The following CACNA1E variants were observed in gnomAD, a reference collection of about 807,000 sequenced individuals.
CACNA1E encodes the protein calcium voltage-gated channel subunit alpha1 E.
A neutral mutation model predicts 259.2 loss-of-function variants in CACNA1E; 40 were observed. The observed-to-expected ratio is 0.15, with a 90% CI of 0.12 to 0.20. The LOEUF (loss-of-function observed/expected upper bound fraction) is 0.20, where lower values mean the gene tolerates loss of function less well. Ranked by LOEUF, CACNA1E falls within the 10% of genes least tolerant of loss-of-function variation. The pLI, the probability that CACNA1E is intolerant of heterozygous loss-of-function variation, is 1.00. For missense variants in CACNA1E, 1,874 were observed against 3,040.1 expected (o/e 0.62, Z 9.02); for synonymous variants, 1,104 against 1,138.5 (o/e 0.97, Z 0.61).
In CACNA1E at chr1:181,798,390, C is replaced by G; in HGVS notation, c.6498C>G (p.Pro2166=). Residue 2166 remains proline (P), a synonymous_variant, in exon 48 of 48, where the codon CCC becomes CCG. Coordinates refer to ENST00000367573, the MANE Select transcript of CACNA1E (RefSeq NM_001205293.3). The surrounding 1 kb of genome is among the most constrained non-coding windows in gnomAD (Gnocchi z 4.2). ...RRQLPPVPPK[P]RPLLSYSSLI... ...AGCTCCCACCCGTCCCGCCAAAGCC[C>G]CGGCCCCTCCTTTCCTACAGCTCCC... The G allele has an allele frequency of 6.2e-7, 1 of 1,613,436 alleles. No homozygotes were observed. Among genetic ancestry groups the G allele is most frequent in the Non-Finnish European group, 8.5e-7 (1 of 1,179,882 alleles).
At chr1:181,406,020 G>C (rs542153265) in intron 1 of CACNA1E, among the ~76,000 whole-genome samples, 1 of 152,292 alleles carries the variant, frequency 6.6e-6, no homozygotes, top group South Asian at 2.1e-4. Context: ...GAGTTGTGTA[G>C]TTGCAACTAA....
At chr1:181,722,378 T>C (rs1654491475) in intron 16 of CACNA1E, among the ~76,000 whole-genome samples, 1 of 152,192 alleles carries the variant, frequency 6.6e-6, no homozygotes, top group African/African-American at 2.4e-5. Flanking sequence ...CACTATTTCA[T>C]CTAATCCTTA....
At chr1:181,714,394 G>C (rs1203512569) in intron 8 of CACNA1E, among the ~76,000 whole-genome samples, 1 of 152,154 alleles carries the variant, frequency 6.6e-6, no homozygotes, top group Non-Finnish European at 1.5e-5. Flanking sequence ...CCAGCTCACT[G>C]ATGTGTTTAC....
chr1:181,465,530 C>T (rs2102391864), intron 2 of CACNA1E, among the ~76,000 whole-genome samples: 1 of 152,122 alleles, frequency 6.6e-6, no homozygotes, highest in African/African-American at 2.4e-5. Context: ...ATTTTTATCT[C>T]CCTGGGCTGT....
intron 6 of CACNA1E, among the ~76,000 whole-genome samples, chr1:181,624,217 C>T (rs1245326831): frequency 1.3e-5 from 2 of 152,138 alleles, no homozygotes; most frequent in Non-Finnish European, 2.9e-5. Context: ...GATCCACTCC[C>T]ATGACCCAGA....
At chr1:181,738,482 C>A in intron 24 of CACNA1E, 56 bp downstream of exon 24, 1 of 1,375,362 alleles carries the variant, frequency 7.3e-7, no homozygotes, top group Non-Finnish European at 1.0e-6. Flanking sequence ...CACCTGTCTG[C>A]TCCTTAGGCT....
rs1654072758 is a variant in CACNA1E, at chr1:181,718,092, G to A, written c.1563G>A (p.Leu521=). ...TTCTGTTTCTGGGACTCTTCCTCTTGGAGATGTCCCTGAAGATGTATGGCA... is the reference window on the plus strand; with the variant it reads ...TTCTGTTTCTGGGACTCTTCCTCTTAGAGATGTCCCTGAAGATGTATGGCA... ...AEFLFLGLFL[L]EMSLKMYGMG... Residue 521 remains leucine (L), a synonymous_variant, in exon 12 of 48, where the codon TTG becomes TTA. Transcript: ENST00000367573. 1 of 1,607,236 alleles carries A rather than the reference G, an allele frequency of 6.2e-7. No homozygotes were observed.
At chr1:181,627,467 G>T (rs1283285910) in intron 6 of CACNA1E, among the ~76,000 whole-genome samples, 1 of 152,188 alleles carries the variant, frequency 6.6e-6, no homozygotes, top group African/African-American at 2.4e-5. Context: ...AGTGGGGGGA[G>T]ATAAGGCTCG....
At chr1:181,583,103 TAC>T (rs34193608) in intron 6 of CACNA1E, among the ~76,000 whole-genome samples, 2,515 of 145,018 alleles carry the variant, frequency 0.017, 30 homozygotes, top group East Asian at 0.047. Context: ...GGACTGTTCC[TAC>T]ACACACACAC....
chr1:181,444,527 C>T (rs953017783), intron 2 of CACNA1E, among the ~76,000 whole-genome samples: 1 of 151,984 alleles, frequency 6.6e-6, no homozygotes, highest in Non-Finnish European at 1.5e-5. Flanking sequence ...GGAGGACTCC[C>T]AGGTACTTGA....
At chr1:181,769,301 T>C (rs1659286951) in intron 35 of CACNA1E, among the ~76,000 whole-genome samples, 1 of 150,926 alleles carries the variant, frequency 6.6e-6, no homozygotes, top group Admixed American at 6.6e-5. Flanking sequence ...TTCTCTTCCA[T>C]ACCCTGTTGA....
intron 2 of CACNA1E, 89 bp from the exon 3 acceptor site, chr1:181,511,282 C>A: frequency 6.8e-7 from 1 of 1,480,936 alleles, no homozygotes; most frequent in African/African-American, 1.4e-5. Flanking sequence ...CCAGCACAGA[C>A]ATCCAGGAAG....
chr1:181,415,649 G>C (rs774075016), intron 2 of CACNA1E, among the ~76,000 whole-genome samples: 1 of 152,226 alleles, frequency 6.6e-6, no homozygotes, highest in Non-Finnish European at 1.5e-5. Context: ...TGGCAACACA[G>C]AGATGACCTG....
chr1:181,608,943 C>T (rs1654486598), intron 6 of CACNA1E, among the ~76,000 whole-genome samples: 1 of 152,214 alleles, frequency 6.6e-6, no homozygotes, highest in African/African-American at 2.4e-5. Context: ...GTCTCCTGAC[C>T]ATTTCAATCT....
chr1:181,687,705 G>A (rs180756868), intron 7 of CACNA1E, among the ~76,000 whole-genome samples: 1 of 152,220 alleles, frequency 6.6e-6, no homozygotes, highest in African/African-American at 2.4e-5. Context: ...TAGGGTCATT[G>A]TATTCATCTA....
At chr1:181,621,220 C>G (rs1185750313) in intron 6 of CACNA1E, among the ~76,000 whole-genome samples, 5 of 152,158 alleles carry the variant, frequency 3.3e-5, no homozygotes, top group Non-Finnish European at 7.3e-5. Context: ...GGACTTTGCC[C>G]CATGGGCAAT....
intron 6 of CACNA1E, among the ~76,000 whole-genome samples, chr1:181,595,581 CT>C (rs773549429): frequency 8.5e-5 from 13 of 152,198 alleles, no homozygotes; most frequent in Non-Finnish European, 1.6e-4. Context: ...GTGACAGGTT[CT>C]TTTTCCTTGG....
At chr1:181,643,333 T>A (rs1180195611) in intron 6 of CACNA1E, among the ~76,000 whole-genome samples, 1 of 152,156 alleles carries the variant, frequency 6.6e-6, no homozygotes, top group African/African-American at 2.4e-5. Flanking sequence ...ATGACATCAA[T>A]GTTGGAATTA....
intron 1 of CACNA1E, among the ~76,000 whole-genome samples, chr1:181,379,695 G>A (rs1276451731): frequency 1.3e-5 from 2 of 152,100 alleles, no homozygotes; most frequent in East Asian, 1.9e-4. Flanking sequence ...CAATCATAAG[G>A]TCTCTACCCT....
Sources: allele counts gnomAD v4.1 joint callset (sites outside exome capture counted in the v4.1 genomes callset), GRCh38; gene constraint gnomAD v4.1.1; non-coding constraint Gnocchi (gnomAD v3.1); transcripts MANE v1.5; gene names NCBI Gene and HGNC (gene_info 2026-07-23, HGNC 2026-07-21).